SSBP2: variants seen among roughly 807,000 people sequenced by gnomAD.
SSBP2 encodes the protein single-stranded DNA-binding protein 2.
SSBP2 carries 17 observed loss-of-function variants against 61.8 expected under a neutral mutation model. The observed-to-expected ratio is 0.28, with a 90% CI of 0.19 to 0.41. SSBP2 has a LOEUF of 0.41. Ranked by LOEUF, SSBP2 falls within the 10% of genes least tolerant of loss-of-function variation. The pLI is 1.00. For missense variants in SSBP2, 310 were observed against 458.7 expected, an observed-to-expected ratio of 0.68 and a Z score of 2.96; for synonymous variants, 139 against 141.3, an observed-to-expected ratio of 0.98 and a Z score of 0.12.
chr5:81,580,322 T>C (rs540071281), intron 4 of SSBP2, among the ~76,000 whole-genome samples: 1 of 152,212 alleles, frequency 6.6e-6, no homozygotes, highest in Admixed American at 6.5e-5. Flanking sequence ...ACAGGGGTAG[T>C]ACCCCTGTAC....
intron 4 of SSBP2, among the ~76,000 whole-genome samples, chr5:81,585,769 G>T (rs1775012336): frequency 6.6e-6 from 1 of 151,982 alleles, no homozygotes. Flanking sequence ...TACTTCTCCT[G>T]TTTAACTGAA....
chr5:81,599,863 C>T (rs1421189877), intron 4 of SSBP2, among the ~76,000 whole-genome samples: 3 of 152,204 alleles, frequency 2.0e-5, no homozygotes, highest in African/African-American at 7.2e-5. Flanking sequence ...GGAAGACTTC[C>T]TTCACCTCTG....
At chr5:81,679,664 G>C (rs1752244425) in intron 1 of SSBP2, among the ~76,000 whole-genome samples, 1 of 152,138 alleles carries the variant, frequency 6.6e-6, no homozygotes, top group Non-Finnish European at 1.5e-5. Context: ...AAACAAGTAT[G>C]TGAGGCAAAA....
chr5:81,502,284 C>T (rs916065516), intron 5 of SSBP2, among the ~76,000 whole-genome samples: 7 of 152,142 alleles, frequency 4.6e-5, no homozygotes, highest in Admixed American at 1.3e-4. Context: ...CATTCTTCTC[C>T]TCCTCAAAGC....
intron 4 of SSBP2, among the ~76,000 whole-genome samples, chr5:81,597,796 G>A (rs1181821036): frequency 6.8e-6 from 1 of 146,140 alleles, no homozygotes; most frequent in African/African-American, 2.5e-5. Flanking sequence ...CTCATAGGTG[G>A]GAAATGAACA....
chr5:81,452,810 T>A (rs1763863141), intron 10 of SSBP2, among the ~76,000 whole-genome samples: 1 of 152,072 alleles, frequency 6.6e-6, no homozygotes, highest in Admixed American at 6.6e-5. Context: ...CTTTTAGAAA[T>A]GCAGGTCTAG....
At chr5:81,526,437 A>C (rs866318757) in intron 4 of SSBP2, among the ~76,000 whole-genome samples, 11 of 152,042 alleles carry the variant, frequency 7.2e-5, no homozygotes, top group African/African-American at 1.2e-4. Context: ...AAAATAATAA[A>C]CTTTCATCCT....
intron 4 of SSBP2, among the ~76,000 whole-genome samples, chr5:81,595,875 A>C (rs1418336324): frequency 1.3e-5 from 2 of 152,334 alleles, no homozygotes; most frequent in East Asian, 3.9e-4. Flanking sequence ...ACAAACCCAC[A>C]TACTGAATGG....
At chr5:81,528,763 T>A (rs1452877006) in intron 4 of SSBP2, among the ~76,000 whole-genome samples, 1 of 152,064 alleles carries the variant, frequency 6.6e-6, no homozygotes, top group Non-Finnish European at 1.5e-5. Context: ...AAGGCATTAG[T>A]AGATACAAAG....
At chr5:81,453,449 GTTTATTCTTTTTTTTTTTTT>G (rs1464445720) in intron 10 of SSBP2, among the ~76,000 whole-genome samples, 2 of 148,476 alleles carry the variant, frequency 1.3e-5, no homozygotes, top group Admixed American at 1.3e-4. Context: ...TCTAAACTGG[GTTTATTCTTTTTTTTTTTTT>G]TTTTTTTGAG....
At chr5:81,497,647 T>C (rs1767390057) in intron 5 of SSBP2, among the ~76,000 whole-genome samples, 1 of 152,130 alleles carries the variant, frequency 6.6e-6, no homozygotes, top group Non-Finnish European at 1.5e-5. Flanking sequence ...AATTATATCT[T>C]CCAGAGGTCC....
At chr5:81,504,888 A>G (rs901501562) in intron 5 of SSBP2, among the ~76,000 whole-genome samples, 3 of 152,202 alleles carry the variant, frequency 2.0e-5, no homozygotes, top group African/African-American at 7.2e-5. Flanking sequence ...AGTTTGTAAG[A>G]CTTATCTGTT....
At chr5:81,465,824 G>A (rs1764853807) in intron 9 of SSBP2, among the ~76,000 whole-genome samples, 2 of 151,810 alleles carry the variant, frequency 1.3e-5, no homozygotes, top group South Asian at 2.1e-4. Flanking sequence ...AAGAAGAGTC[G>A]GATTTCATGT....
At chr5:81,443,728 A>C (rs1409284446) in intron 12 of SSBP2, among the ~76,000 whole-genome samples, 10 of 152,156 alleles carry the variant, frequency 6.6e-5, no homozygotes, top group Admixed American at 6.5e-4. Context: ...ACGCCTGGCT[A>C]ATTTTTTATA....
intron 4 of SSBP2, among the ~76,000 whole-genome samples, chr5:81,592,608 C>A (rs1040250005): frequency 6.6e-6 from 1 of 152,186 alleles, no homozygotes; most frequent in East Asian, 1.9e-4. Context: ...GGCGGACTGA[C>A]ACCTTACACA....
intron 6 of SSBP2, among the ~76,000 whole-genome samples, chr5:81,484,696 CAAT>C (rs1366692825): frequency 6.6e-6 from 1 of 152,080 alleles, no homozygotes; most frequent in African/African-American, 2.4e-5. Flanking sequence ...TTTATCATCT[CAAT>C]AAATTTAATT....
At chr5:81,479,553 A>G (rs947596092) in intron 6 of SSBP2, among the ~76,000 whole-genome samples, 4 of 152,084 alleles carry the variant, frequency 2.6e-5, no homozygotes, top group African/African-American at 9.7e-5. Context: ...CAGCTCCCCC[A>G]AACTGCTCGG....
intron 9 of SSBP2, among the ~76,000 whole-genome samples, chr5:81,463,298 C>T (rs1429087522): frequency 1.3e-5 from 2 of 151,902 alleles, no homozygotes; most frequent in African/African-American, 4.8e-5. Flanking sequence ...TTTTGAGGGC[C>T]CTCAGTATTA....
chr5:81,646,653 G>T (rs1749293828), intron 2 of SSBP2, among the ~76,000 whole-genome samples: 1 of 145,562 alleles, frequency 6.9e-6, no homozygotes, highest in Non-Finnish European at 1.5e-5. Flanking sequence ...GGGCAAAAGG[G>T]CACCAAGACA....
Sources: allele counts gnomAD v4.1 joint callset (sites outside exome capture counted in the v4.1 genomes callset), GRCh38; gene constraint gnomAD v4.1.1; transcripts MANE v1.5; gene names NCBI Gene and HGNC (gene_info 2026-07-23, HGNC 2026-07-21).